WDR27: variants seen among roughly 807,000 people sequenced by gnomAD.
WDR27 encodes the protein WD repeat domain 27.
WDR27 carries 100 observed loss-of-function variants against 114.4 expected under a neutral mutation model. The observed-to-expected ratio is 0.87, with a 90% CI of 0.74 to 1.03. The LOEUF is 1.03. Ranked by LOEUF, WDR27 falls within the 50% of genes least tolerant of loss-of-function variation. The pLI is 0.00. For synonymous variants in WDR27, 449 were observed against 423.1 expected (o/e 1.06, Z -0.75); for missense variants, 1,129 against 1,092.9 (o/e 1.03, Z -0.47).
At chr6:169,534,985 T>A (rs575693764) in intron 25 of WDR27, among the ~76,000 whole-genome samples, 7 of 149,788 alleles carry the variant, frequency 4.7e-5, no homozygotes, top group African/African-American at 1.7e-4. Flanking sequence ...AAAAAAAAAC[T>A]TGTCTAGAAA....
chr6:169,637,514 T>A (rs1190585829), intron 18 of WDR27, among the ~76,000 whole-genome samples: 1 of 151,726 alleles, frequency 6.6e-6, no homozygotes, highest in African/African-American at 2.4e-5. Flanking sequence ...TGTAAGTGTA[T>A]GTGTATGCAT....
chr6:169,583,496 TATATATATGTATATATACACACAC>T (rs1562630362), intron 23 of WDR27, among the ~76,000 whole-genome samples: 6 of 26,134 alleles, frequency 2.3e-4, no homozygotes, highest in Non-Finnish European at 1.0e-3. Flanking sequence ...TACATATATA[TATATATATGTATATATACACACAC>T]ACACACACAC....
chr6:169,569,611 T>C (rs1436959556), intron 25 of WDR27, among the ~76,000 whole-genome samples: 1 of 152,218 alleles, frequency 6.6e-6, no homozygotes, highest in Non-Finnish European at 1.5e-5. Flanking sequence ...CTTATAAACT[T>C]AGTAATATTT....
chr6:169,495,395 A>T (rs536454320), intron 25 of WDR27, among the ~76,000 whole-genome samples: 97 of 152,196 alleles, frequency 6.4e-4, no homozygotes, highest in African/African-American at 2.2e-3. Flanking sequence ...GGAACTAAAA[A>T]ACTAAAAGTA....
Position 169,634,541 on chromosome 6 carries a change from A to C in WDR27, c.2004-16T>G. 1.3e-6 allele frequency: 2 copies of C among 1,576,716 alleles called. No individual in the cohort carries two copies. Among genetic ancestry groups the C allele is most frequent in the East Asian group, 2.3e-5 (1 of 44,290 alleles). On this transcript the variant is annotated splice_polypyrimidine_tract_variant and intron_variant, in intron 19 of 25. Transcript: ENST00000448612. ...CTGTTTATATCTGGAAGAGAAAATC[A>C]AGATGATCAATATTTTTGCTTTCCT...
intron 25 of WDR27, among the ~76,000 whole-genome samples, chr6:169,516,601 A>C (rs557880620): frequency 4.7e-4 from 72 of 152,204 alleles, no homozygotes; most frequent in Admixed American, 1.8e-3. Context: ...GAGAGGGAAG[A>C]CTGCTGACGG....
chr6:169,600,516 G>A (rs1051023790), intron 23 of WDR27, among the ~76,000 whole-genome samples: 8 of 152,152 alleles, frequency 5.3e-5, no homozygotes, highest in Non-Finnish European at 7.3e-5. Flanking sequence ...AAACTACTCC[G>A]AGCTAAAGGA....
intron 21 of WDR27, among the ~76,000 whole-genome samples, chr6:169,621,439 C>A (rs1813189868): frequency 6.6e-6 from 1 of 152,072 alleles, no homozygotes; most frequent in South Asian, 2.1e-4. Context: ...CACACATATA[C>A]ATATGCACAC....
intron 25 of WDR27, among the ~76,000 whole-genome samples, chr6:169,463,150 T>A (rs1330865949): frequency 6.6e-6 from 1 of 152,200 alleles, no homozygotes; most frequent in Non-Finnish European, 1.5e-5. Flanking sequence ...TTTCCATTTC[T>A]AAGATGGCAT....
At chr6:169,698,798 G>C (rs1056141330) in intron 1 of WDR27, among the ~76,000 whole-genome samples, 7 of 152,242 alleles carry the variant, frequency 4.6e-5, no homozygotes, top group South Asian at 2.1e-4. Flanking sequence ...GGCCACGGTG[G>C]TGGCACCTGG....
intron 23 of WDR27, among the ~76,000 whole-genome samples, chr6:169,585,974 C>T (rs4451137): frequency 0.13 from 19,148 of 152,180 alleles, 1,596 homozygotes; most frequent in South Asian, 0.29. Flanking sequence ...CATTTGCTTT[C>T]GTTTCAGTGC....
At chr6:169,683,546 G>A (rs1356803116) in intron 2 of WDR27, among the ~76,000 whole-genome samples, 1 of 152,016 alleles carries the variant, frequency 6.6e-6, no homozygotes, top group Non-Finnish European at 1.5e-5. Flanking sequence ...AAAAAACAAG[G>A]CAATAAATAA....
At chr6:169,449,334 T>C in the WDR27 span, among the ~76,000 whole-genome samples, 8 of 152,312 alleles carry the variant, frequency 5.3e-5, no homozygotes, top group East Asian at 1.4e-3. Context: ...TGATAATATA[T>C]GCAAAGATTT....
chr6:169,503,408 G>A (rs753218430), intron 25 of WDR27, among the ~76,000 whole-genome samples: 72 of 152,166 alleles, frequency 4.7e-4, no homozygotes, highest in Non-Finnish European at 1.5e-4. Flanking sequence ...TCAGTGAGAT[G>A]GCCTTTGCTA....
At chr6:169,583,496 TATATATATGTATATATACACAC>T in intron 23 of WDR27, among the ~76,000 whole-genome samples, 1 of 26,134 alleles carries the variant, frequency 3.8e-5, no homozygotes, top group East Asian at 3.2e-4. Flanking sequence ...TACATATATA[TATATATATGTATATATACACAC>T]ACACACACAC....
At chr6:169,667,329 A>G in intron 5 of WDR27, 142 bp from the exon 6 acceptor site, 1 of 1,239,698 alleles carries the variant, frequency 8.1e-7, no homozygotes, top group Non-Finnish European at 1.0e-6. Context: ...GAGCACAAAA[A>G]TAATAAAAAT....
intron 2 of WDR27, among the ~76,000 whole-genome samples, chr6:169,681,925 C>T (rs575095947): frequency 2.0e-5 from 3 of 152,216 alleles, no homozygotes; most frequent in African/African-American, 7.2e-5. Context: ...GCCAACTAGA[C>T]CTCTCTAGTC....
At chr6:169,454,292 G>A (rs733151), downstream of WDR27, among the ~76,000 whole-genome samples, 79,938 of 151,808 alleles carry the variant, frequency 0.53, 22,854 homozygotes, top group East Asian at 0.88. Flanking sequence ...TTATCACCAC[G>A]GAGATATCTG....
At chr6:169,529,016 A>C (rs1795264876) in intron 25 of WDR27, among the ~76,000 whole-genome samples, 1 of 152,200 alleles carries the variant, frequency 6.6e-6, no homozygotes, top group South Asian at 2.1e-4. Flanking sequence ...CTAGTATGAA[A>C]ATGTGTTCAC....
Sources: gnomAD v4.1 joint callset for allele counts (sites outside exome capture counted in the v4.1 genomes callset) on GRCh38, gnomAD v4.1.1 for gene constraint, MANE v1.5 for transcripts, NCBI Gene and HGNC (gene_info 2026-07-23, HGNC 2026-07-21) for gene names.